Variants in CELF2 observed in about 807,000 individuals in gnomAD.
CELF2 encodes CUGBP Elav-like family member 2, also known as CUG triplet repeat RNA-binding protein 2.
A neutral mutation model predicts 62.6 loss-of-function variants in CELF2; 8 were observed. The ratio of observed to expected loss-of-function variants is 0.13; its 90% CI spans 0.07 to 0.23. The LOEUF is 0.23. CELF2 is among the 10% of genes least tolerant of loss of function. The pLI is 1.00. For missense variants in CELF2, 333 were observed against 671.0 expected, an observed-to-expected ratio of 0.50 and a Z score of 5.56; for synonymous variants, 258 against 250.0, an observed-to-expected ratio of 1.03 and a Z score of -0.30.
intron 4 of CELF2, among the ~76,000 whole-genome samples, chr10:11,249,951 A>G (rs1456127984): frequency 2.0e-5 from 3 of 152,234 alleles, no homozygotes; most frequent in Non-Finnish European, 4.4e-5. Context: ...GCTCTGTCCC[A>G]TAAGACTGAC....
At chr10:11,204,390 C>T (rs969156075) in intron 2 of CELF2, among the ~76,000 whole-genome samples, 1 of 152,146 alleles carries the variant, frequency 6.6e-6, no homozygotes. Context: ...CATTTTTACC[C>T]CTAGGAACCT....
intron 2 of CELF2, among the ~76,000 whole-genome samples, chr10:11,182,558 A>G (rs1283808954): frequency 4.6e-5 from 7 of 152,216 alleles, no homozygotes; most frequent in Non-Finnish European, 1.0e-4. Context: ...GGATTATAAC[A>G]TGGAGGAAAA....
chr10:11,272,988 AC>A (rs1478600964), intron 7 of CELF2, among the ~76,000 whole-genome samples: 2 of 152,204 alleles, frequency 1.3e-5, no homozygotes, highest in East Asian at 3.9e-4. Flanking sequence ...AGCAAATCAA[AC>A]CGAAATAAGG....
intron 1 of CELF2, among the ~76,000 whole-genome samples, chr10:11,077,755 T>A (rs1255406831): frequency 1.3e-5 from 2 of 152,156 alleles, no homozygotes; most frequent in Non-Finnish European, 2.9e-5. Flanking sequence ...TATGAACAAT[T>A]CACCATAATC....
the CELF2 span, among the ~76,000 whole-genome samples, chr10:10,626,050 C>G: frequency 2.6e-5 from 4 of 152,108 alleles, no homozygotes; most frequent in Non-Finnish European, 5.9e-5. Context: ...CTGCTTTGAC[C>G]TAGAAAGAGA....
chr10:10,988,446 T>C (rs1467733605), intron 2 of CELF2, among the ~76,000 whole-genome samples: 1 of 152,228 alleles, frequency 6.6e-6, no homozygotes, highest in Admixed American at 6.5e-5. Context: ...TTCTCACTTA[T>C]AAGTGGGAGC....
At chr10:10,788,256 C>T in the CELF2 span, among the ~76,000 whole-genome samples, 1 of 151,624 alleles carries the variant, frequency 6.6e-6, no homozygotes, top group African/African-American at 2.4e-5. Flanking sequence ...CAAAATAGGA[C>T]CTTTTTTTTT....
the CELF2 span, among the ~76,000 whole-genome samples, chr10:10,787,910 C>G: frequency 9.2e-5 from 14 of 152,032 alleles, no homozygotes. Flanking sequence ...AAAGCCATGC[C>G]GGTTCAAATC....
At chr10:10,636,495 G>T in the CELF2 span, among the ~76,000 whole-genome samples, 2 of 152,172 alleles carry the variant, frequency 1.3e-5, no homozygotes, top group Admixed American at 6.5e-5. Context: ...TTCAGAAGAA[G>T]CCAGTGAGCT....
rs143192423 is a variant in CELF2, at chr10:11,207,418, G to T, written c.272-10007G>T. On this transcript the variant is annotated intron_variant, in intron 2 of 12. Coordinates refer to ENST00000633077, the MANE Select transcript of CELF2 (RefSeq NM_001326342.2). This position sits in a 1 kb window ranked among gnomAD's most constrained non-coding sequence, Gnocchi z 4.1. ...CAGTTGACAGAAAGTTGGTCCTAGC[G>T]TGTCAAATGGAGAGTTGGAGGGAAG... Among the ~76,000 whole-genome samples the T allele has an allele frequency of 7.5e-3, 1,141 of 152,296 alleles. 17 individuals carry two copies. Among genetic ancestry groups the T allele is most frequent in the African/African-American group, 0.026 (1,081 of 41,558 alleles).
rs1052350072 is a variant in CELF2 at position 11,214,319 on chromosome 10, G to A, written c.272-3106G>A. ...ATTTTTTAATGATGAAACTAACTAA[G>A]GTACTGAGGAGGTAAGATATTTCCC... On this transcript the variant is annotated intron_variant, in intron 2 of 12. Coordinates refer to ENST00000633077, the MANE Select transcript of CELF2 (RefSeq NM_001326342.2). The surrounding 1 kb of genome is among the most constrained non-coding windows in gnomAD (Gnocchi z 4.2). Among the ~76,000 whole-genome samples the A allele has an allele frequency of 6.6e-6, 1 of 152,160 alleles. No individual in the cohort carries two copies. Among genetic ancestry groups the A allele is most frequent in the African/African-American group, 2.4e-5 (1 of 41,418 alleles).
At chr10:10,614,581 C>A in the CELF2 span, among the ~76,000 whole-genome samples, 1 of 152,124 alleles carries the variant, frequency 6.6e-6, no homozygotes, top group Non-Finnish European at 1.5e-5. Flanking sequence ...CAGAGGCTGC[C>A]ACCAGGAACT....
chr10:11,318,714 GAA>G lies in CELF2; in HGVS notation c.1097-2473_1097-2472del, dbSNP rs752988013. The G allele has an allele frequency of 6.5e-6, 3 of 460,388 alleles. No homozygotes were observed. Among genetic ancestry groups the G allele is most frequent in the African/African-American group, 2.0e-5 (1 of 49,392 alleles). The allele number at this position is 460,388 out of a possible 1,614,324, so 28.5% of individuals were successfully genotyped here. A position where few individuals can be genotyped will look rare whatever the true frequency, so the allele number is the denominator to read the frequency against. ...AGAGAAACATTTTTGGCAAAAAGGA[GAA>G]AGAGTTCAAAGTAGGAAGATAATTT... On this transcript the variant is annotated intron_variant, in intron 10 of 12. Coordinates refer to ENST00000633077, the MANE Select transcript of CELF2 (RefSeq NM_001326342.2). The surrounding 1 kb of genome is among the most constrained non-coding windows in gnomAD (Gnocchi z 5.4).
rs143022817 is a variant in CELF2 at position 10,945,160 on chromosome 10, C to T, written c.89+25161C>T. On this transcript the variant is annotated intron_variant, in intron 2 of 13. Transcript: ENST00000636488. ...ATTCAGCCTAAGAACGGATGGGAGCCGTAGGTGCTAACCCAGGAGTGGGGA... is the reference window on the plus strand; with the variant it reads ...ATTCAGCCTAAGAACGGATGGGAGCTGTAGGTGCTAACCCAGGAGTGGGGA... 8.7e-4 allele frequency among the ~76,000 whole-genome samples: 132 copies of T among 152,172 alleles called. 2 individuals are homozygous for T. Among genetic ancestry groups the T allele is most frequent in the Non-Finnish European group, 1.6e-3 (108 of 67,998 alleles).
At chr10:10,973,673 C>T (rs553621482) in intron 2 of CELF2, among the ~76,000 whole-genome samples, 2 of 152,304 alleles carry the variant, frequency 1.3e-5, no homozygotes, top group East Asian at 3.9e-4. Flanking sequence ...CTTAAGCCAT[C>T]CTCCCGCCTC....
intron 1 of CELF2, among the ~76,000 whole-genome samples, chr10:11,073,756 G>A (rs2477021): frequency 0.27 from 40,914 of 151,964 alleles, 6,054 homozygotes; most frequent in African/African-American, 0.38. Flanking sequence ...TGGGGTGCTG[G>A]TAACATAAGG....
chr10:11,101,309 G>A (rs1392692530), intron 1 of CELF2, among the ~76,000 whole-genome samples: 1 of 152,188 alleles, frequency 6.6e-6, no homozygotes, highest in Non-Finnish European at 1.5e-5. Flanking sequence ...AAAATAGGAT[G>A]TACAGATCGG....
At chr10:10,547,106 TA>T in the CELF2 span, among the ~76,000 whole-genome samples, 1 of 151,984 alleles carries the variant, frequency 6.6e-6, no homozygotes. Flanking sequence ...GACTCTGTCT[TA>T]AAAAAATTGA....
At chr10:10,645,351 A>G in the CELF2 span, among the ~76,000 whole-genome samples, 1 of 152,156 alleles carries the variant, frequency 6.6e-6, no homozygotes, top group African/African-American at 2.4e-5. Flanking sequence ...CCTTTGTCGC[A>G]ATTGTGATTA....
Sources: gnomAD v4.1 joint callset for allele counts (sites outside exome capture counted in the v4.1 genomes callset) on GRCh38, gnomAD v4.1.1 for gene constraint, Gnocchi (gnomAD v3.1) non-coding constraint, MANE v1.5 for transcripts, NCBI Gene and HGNC (gene_info 2026-07-23, HGNC 2026-07-21) for gene names.